KDM7A: variants seen among roughly 807,000 people sequenced by gnomAD.
KDM7A encodes the protein lysine demethylase 7A, also known as lysine-specific demethylase 7A.
A neutral mutation model predicts 114.8 loss-of-function variants in KDM7A; 28 were observed. That is an observed-to-expected ratio of 0.24 (90% CI 0.18 to 0.33). KDM7A has a LOEUF of 0.33. Ranked by LOEUF, KDM7A falls within the 10% of genes least tolerant of loss-of-function variation. The pLI, the probability that KDM7A is intolerant of heterozygous loss-of-function variation, is 1.00. For missense variants in KDM7A, 942 were observed against 1,142.5 expected (o/e 0.82, Z 2.53); for synonymous variants, 423 against 397.8 (o/e 1.06, Z -0.75).
intron 1 of KDM7A, among the ~76,000 whole-genome samples, chr7:140,157,178 C>T (rs1282849456): frequency 6.6e-6 from 1 of 152,206 alleles, no homozygotes; most frequent in Non-Finnish European, 1.5e-5. Context: ...GAACCATCTT[C>T]GGATCTTAGG....
chr7:140,106,677 T>C (rs952871208), intron 11 of KDM7A, among the ~76,000 whole-genome samples: 3 of 152,240 alleles, frequency 2.0e-5, no homozygotes, highest in Admixed American at 6.5e-5. Context: ...TCTGTTCTTT[T>C]ACATTCGCTG....
At position 140,099,040 on chromosome 7, in the gene KDM7A, T is replaced by G. The variant is rs770753596; in HGVS notation, c.1764-7A>C. On this transcript the variant is annotated splice_region_variant and splice_polypyrimidine_tract_variant and intron_variant, in intron 13 of 19. Transcript: ENST00000397560. ...AAAGGGCTGCCTTTCATCTCTGTAT[T>G]AAGAAGGAAAAGTAATCAGAATATA... 9 of 1,601,140 alleles carry G rather than the reference T, an allele frequency of 5.6e-6. No homozygotes were observed. The East Asian group carries it at 1.8e-4, about 32-fold the overall frequency.
At chr7:140,097,705 A>G in intron 14 of KDM7A, 63 bp from the exon 15 acceptor site, 5 of 928,750 alleles carry the variant, frequency 5.4e-6, no homozygotes, top group Non-Finnish European at 8.8e-6. Flanking sequence ...ACAAGGTGAC[A>G]AGATGGTATC....
intron 7 of KDM7A, among the ~76,000 whole-genome samples, chr7:140,124,340 C>A (rs772931582): frequency 2.0e-5 from 3 of 152,100 alleles, no homozygotes; most frequent in Non-Finnish European, 2.9e-5. Context: ...CTAAAAACCA[C>A]TGAGCTGTAC....
chr7:140,099,173 G>T, intron 13 of KDM7A, 140 bp from the exon 14 acceptor site: 1 of 703,714 alleles, frequency 1.4e-6, no homozygotes, highest in Non-Finnish European at 2.3e-6. Context: ...GCAATAGTAT[G>T]CGCTAGGGAT....
chr7:140,167,466 G>A (rs1794591392), intron 1 of KDM7A, among the ~76,000 whole-genome samples: 1 of 152,104 alleles, frequency 6.6e-6, no homozygotes, highest in African/African-American at 2.4e-5. Context: ...CAGAATCTTT[G>A]ACATATGACT....
chr7:140,154,885 TTA>T (rs1794441568), intron 1 of KDM7A, among the ~76,000 whole-genome samples: 1 of 152,264 alleles, frequency 6.6e-6, no homozygotes, highest in African/African-American at 2.4e-5. Context: ...TGTTACAACT[TTA>T]TGATTTAAAT....
chr7:140,095,738 G>C (rs1028902492), intron 17 of KDM7A: 1 of 200,812 alleles, frequency 5.0e-6, no homozygotes, highest in Admixed American at 6.0e-5. Flanking sequence ...AATTAGCCAG[G>C]TGTGGTGACA....
chr7:140,100,689 C>CACATATAT lies in KDM7A; in HGVS notation c.1639-667_1639-666insATATATGT, dbSNP rs1562945966. ...ATATATATATATATATACATATATA[C>CACATATAT]ATATATATATATATATATACACATA... is the stretch of plus-strand genomic sequence containing the variant. On this transcript the variant is annotated intron_variant, in intron 12 of 19. Transcript: ENST00000397560. 6.9e-3 allele frequency among the ~76,000 whole-genome samples: 374 copies of CACATATAT among 53,896 alleles called. 7 individuals are homozygous for CACATATAT. Among genetic ancestry groups the CACATATAT allele is most frequent in the South Asian group, 0.017 (28 of 1,646 alleles). The allele number at this position is 53,896 out of a possible 152,430, so 35.4% of individuals were successfully genotyped here.
chr7:140,159,151 C>T (rs1345975586), intron 1 of KDM7A, among the ~76,000 whole-genome samples: 1 of 152,160 alleles, frequency 6.6e-6, no homozygotes, highest in African/African-American at 2.4e-5. Flanking sequence ...TTAAGACCAG[C>T]CTGGCCAACA....
chr7:140,153,303 C>A (rs1045618455), intron 1 of KDM7A, among the ~76,000 whole-genome samples: 2 of 151,478 alleles, frequency 1.3e-5, no homozygotes, highest in Non-Finnish European at 3.0e-5. Context: ...CTGGCTAACA[C>A]AGTGAAACCC....
chr7:140,167,031 A>G (rs1181126911), intron 1 of KDM7A, among the ~76,000 whole-genome samples: 1 of 152,204 alleles, frequency 6.6e-6, no homozygotes, highest in Non-Finnish European at 1.5e-5. Flanking sequence ...AAAATTACTT[A>G]GGAATAATCT....
chr7:140,106,971 T>C (rs1350889630), intron 11 of KDM7A, among the ~76,000 whole-genome samples: 1 of 152,230 alleles, frequency 6.6e-6, no homozygotes, highest in Non-Finnish European at 1.5e-5. Flanking sequence ...TGGGTGCATA[T>C]ATATTTAGGA....
At chr7:140,148,471 A>C (rs62491424) in intron 1 of KDM7A, among the ~76,000 whole-genome samples, 9,400 of 152,192 alleles carry the variant, frequency 0.062, 368 homozygotes, top group Non-Finnish European at 0.09. Flanking sequence ...ATTTTTAAGA[A>C]AATTAATATA....
chr7:140,109,228 G>A lies in KDM7A; in HGVS notation c.1428+1867C>T, dbSNP rs549139107. On this transcript the variant is annotated intron_variant, in intron 11 of 19. Transcript: ENST00000397560. The stretch of plus-strand genomic sequence containing the variant: ...ACCCCTTGCACTTCCTGGGACAGGC[G>A]ATGCACCGCCCTGCTTTGGCTCACG... 4.6e-5 allele frequency among the ~76,000 whole-genome samples: 7 copies of A among 152,358 alleles called. No homozygotes were observed. The South Asian group carries it at 1.2e-3, about 27-fold the overall frequency.
chr7:140,105,101 G>A (rs1045450709), intron 11 of KDM7A, among the ~76,000 whole-genome samples: 16 of 152,098 alleles, frequency 1.1e-4, no homozygotes, highest in Non-Finnish European at 2.4e-4. Context: ...TCTGTTATTG[G>A]TGTATAGGAA....
At chr7:140,175,954 C>T (rs1421842251) in intron 1 of KDM7A, among the ~76,000 whole-genome samples, 1 of 151,956 alleles carries the variant, frequency 6.6e-6, no homozygotes, top group Non-Finnish European at 1.5e-5. Flanking sequence ...TTCGGGCCGC[C>T]GCAACCCACT....
intron 11 of KDM7A, among the ~76,000 whole-genome samples, chr7:140,105,035 T>G (rs1562947488): frequency 6.6e-6 from 1 of 152,224 alleles, no homozygotes; most frequent in Non-Finnish European, 1.5e-5. Flanking sequence ...CCTAGGTATT[T>G]TACTCTCTTT....
chr7:140,091,773 T>C, intron 19 of KDM7A, 31 bp downstream of exon 19: 3 of 1,605,942 alleles, frequency 1.9e-6, no homozygotes, highest in Non-Finnish European at 2.6e-6. Flanking sequence ...CAGTCAGAAA[T>C]ATACTTTCTC....
Sources: allele counts gnomAD v4.1 joint callset (sites outside exome capture counted in the v4.1 genomes callset), GRCh38; gene constraint gnomAD v4.1.1; transcripts MANE v1.5; gene names NCBI Gene and HGNC (gene_info 2026-07-23, HGNC 2026-07-21).